Variants in CELF2 observed in about 807,000 individuals in gnomAD.
CELF2 encodes CUGBP Elav-like family member 2.
CELF2 carries 8 observed loss-of-function variants against 62.6 expected under a neutral mutation model. The observed-to-expected ratio is 0.13, with a 90% CI of 0.07 to 0.23. The LOEUF is 0.23. CELF2 is among the 10% of genes least tolerant of loss of function. CELF2 has a pLI of 1.00. For synonymous variants in CELF2, 258 were observed against 250.0 expected (o/e 1.03, Z -0.30); for missense variants, 333 against 671.0 (o/e 0.50, Z 5.56).
At chr10:11,086,602 A>AAAAAC in intron 1 of CELF2, among the ~76,000 whole-genome samples, 1 of 132,438 alleles carries the variant, frequency 7.6e-6, no homozygotes, top group South Asian at 2.2e-4. Context: ...AAAAAAAAAA[A>AAAAAC]AAAAAAAACT....
the CELF2 span, among the ~76,000 whole-genome samples, chr10:10,713,981 G>A: frequency 6.6e-5 from 10 of 152,268 alleles, no homozygotes; most frequent in South Asian, 4.1e-4. Flanking sequence ...ATTCCAGTGA[G>A]TGGAGATTGC....
At position 11,046,743 on chromosome 10, in the gene CELF2, A is replaced by G. The variant is rs534237463; in HGVS notation, c.74+28580A>G. ...CTCCCAAAGAGTTTTTGTAAATCCC[A>G]TGTCTTTAATCTCATTTCGCTATTT... On this transcript the variant is annotated intron_variant, in intron 1 of 12. Transcript: ENST00000633077. This position sits in a 1 kb window ranked among gnomAD's most constrained non-coding sequence, Gnocchi z 4.6. Among the ~76,000 whole-genome samples the G allele has an allele frequency of 9.1e-4, 139 of 152,306 alleles. No homozygotes were observed. Among genetic ancestry groups the G allele is most frequent in the African/African-American group, 3.2e-3 (135 of 41,564 alleles).
chr10:10,866,303 G>C lies in CELF2; in HGVS notation c.54-53661G>C, dbSNP rs141091781. On this transcript the variant is annotated intron_variant, in intron 1 of 13. Transcript: ENST00000636488. ...GGTGTAGGGAAAGGGGAGCTGTGAG[G>C]CTTTACGAGTAAGAAATCACTTACT... Among the ~76,000 whole-genome samples the C allele has an allele frequency of 4.0e-3, 603 of 151,898 alleles. 4 individuals are homozygous for C. Among genetic ancestry groups the C allele is most frequent in the South Asian group, 0.017 (83 of 4,798 alleles).
rs1007713414 is a variant in CELF2, at chr10:11,324,038, T to G, written c.1295-1798T>G. ...AAGAGATGGTGCTGACATTTTTTTC[T>G]TGGGAATATCAGGAGCAAAAGGACA... On this transcript the variant is annotated intron_variant, in intron 11 of 12. Coordinates refer to ENST00000633077, the MANE Select transcript of CELF2 (RefSeq NM_001326342.2). The surrounding 1 kb of genome is among the most constrained non-coding windows in gnomAD (Gnocchi z 4.7). 4.6e-5 allele frequency among the ~76,000 whole-genome samples: 7 copies of G among 152,258 alleles called. No individual in the cohort carries two copies. The highest frequency in any genetic ancestry group is 1.7e-4 in the African/African-American group (7 of 41,542).
At chr10:10,567,028 G>A in the CELF2 span, among the ~76,000 whole-genome samples, 2 of 152,244 alleles carry the variant, frequency 1.3e-5, no homozygotes, top group South Asian at 2.1e-4. Context: ...CATCTGCCGC[G>A]AAGATAAAAG....
intron 1 of CELF2, among the ~76,000 whole-genome samples, chr10:11,141,550 G>C (rs1480956771): frequency 6.6e-6 from 1 of 152,218 alleles, no homozygotes. Flanking sequence ...AGATTTTTCT[G>C]GGGGAGCCAA....
chr10:10,730,205 A>G, the CELF2 span, among the ~76,000 whole-genome samples: 5 of 152,242 alleles, frequency 3.3e-5, no homozygotes, highest in Non-Finnish European at 1.5e-5. Flanking sequence ...GGCTGGGCAC[A>G]GTGGCTCACA....
chr10:11,057,175 A>T (rs949554980), intron 1 of CELF2, among the ~76,000 whole-genome samples: 2 of 152,128 alleles, frequency 1.3e-5, no homozygotes, highest in Admixed American at 1.3e-4. Flanking sequence ...AAAGAACAAA[A>T]AGTCCCAGAC....
rs1332992964 is a variant in CELF2, at chr10:11,247,365, G to C, written c.355-1788G>C. 6.6e-6 allele frequency among the ~76,000 whole-genome samples: 1 copy of C among 152,186 alleles called. No individual in the cohort carries two copies. The highest frequency in any genetic ancestry group is 1.5e-5 in the Non-Finnish European group (1 of 68,028). The stretch of plus-strand genomic sequence containing the variant: ...ACCCTTCCACTTCCTGGGTCACTGC[G>C]GGGCTGCCCCGTGAGTTTCACATGC... On this transcript the variant is annotated intron_variant, in intron 3 of 12. Coordinates refer to ENST00000633077, the MANE Select transcript of CELF2 (RefSeq NM_001326342.2). This position sits in a 1 kb window ranked among gnomAD's most constrained non-coding sequence, Gnocchi z 5.4.
intron 1 of CELF2, among the ~76,000 whole-genome samples, chr10:11,158,776 ATT>A (rs1379659100): frequency 6.6e-6 from 1 of 152,204 alleles, no homozygotes; most frequent in Non-Finnish European, 1.5e-5. Context: ...CCTGGCAAGC[ATT>A]TGAGACCCCC....
intron 1 of CELF2, among the ~76,000 whole-genome samples, chr10:11,107,281 G>T (rs942368530): frequency 6.6e-6 from 1 of 152,112 alleles, no homozygotes; most frequent in African/African-American, 2.4e-5. Context: ...CTCTCCTAGG[G>T]GGGCAGCTCC....
rs1811224109 is a variant in CELF2 at position 10,972,613 on chromosome 10, T to C, written c.89+52614T>C. Reference sequence around the variant, plus strand: ...TCAACCGTCTTCTACATATTGATGATTCTCAGTCCCGGTCTCCATGACTGA... The same window carrying C: ...TCAACCGTCTTCTACATATTGATGACTCTCAGTCCCGGTCTCCATGACTGA... On this transcript the variant is annotated intron_variant, in intron 2 of 13. Coordinates refer to the CELF2 transcript ENST00000636488. This position sits in a 1 kb window ranked among gnomAD's most constrained non-coding sequence, Gnocchi z 4.4. 6.6e-6 allele frequency among the ~76,000 whole-genome samples: 1 copy of C among 152,200 alleles called. No homozygotes were observed. The highest frequency in any genetic ancestry group is 2.4e-5 in the African/African-American group (1 of 41,446).
chr10:10,602,409 T>C, the CELF2 span, among the ~76,000 whole-genome samples: 1 of 152,166 alleles, frequency 6.6e-6, no homozygotes, highest in Non-Finnish European at 1.5e-5. Flanking sequence ...CCCCAAACCA[T>C]CAAACTTTGT....
chr10:11,197,070 G>GAAAGAAAGAAAGAAAAGAAAGAAAGGAAA (rs1329770894), intron 2 of CELF2, among the ~76,000 whole-genome samples: 1 of 78,100 alleles, frequency 1.3e-5, no homozygotes, highest in Non-Finnish European at 2.4e-5. Flanking sequence ...AAGAAAGAAA[G>GAAAGAAAGAAAGAAAAGAAAGAAAGGAAA]GAAAGAAAGA....
chr10:11,235,198 G>T (rs922399346), intron 3 of CELF2, among the ~76,000 whole-genome samples: 1 of 152,116 alleles, frequency 6.6e-6, no homozygotes, highest in Non-Finnish European at 1.5e-5. Context: ...GGCAAGCTTC[G>T]CAAGTCCCCA....
chr10:10,490,972 A>G, the CELF2 span, among the ~76,000 whole-genome samples: 1 of 152,230 alleles, frequency 6.6e-6, no homozygotes, highest in African/African-American at 2.4e-5. Context: ...AGCAAATGGT[A>G]TGAAGTTTTC....
rs113595284 is a variant in CELF2, at chr10:10,820,726, A to G, written c.53+21909A>G. Among the ~76,000 whole-genome samples the G allele has an allele frequency of 2.1e-3, 320 of 152,330 alleles. 1 individual carries two copies. Among genetic ancestry groups the G allele is most frequent in the African/African-American group, 7.2e-3 (299 of 41,576 alleles). On this transcript the variant is annotated intron_variant, in intron 1 of 13. Coordinates refer to the CELF2 transcript ENST00000636488. ...ACTCACACTGAGATCAGAACACCAT[A>G]TGGGAGTCAACCAGCGAGGACAGGA... is the stretch of plus-strand genomic sequence containing the variant.
rs889223003 is a variant in CELF2, at chr10:11,285,417, G to C, written c.842-3001G>C. On this transcript the variant is annotated intron_variant, in intron 8 of 12. Transcript: ENST00000633077. The surrounding 1 kb of genome is among the most constrained non-coding windows in gnomAD (Gnocchi z 4.3). ...ACTTTCCAGGCGGCAGCAGGGAAAGGCTTAGGAGAATGTCAGAAACTGTTG... is the reference window on the plus strand; with the variant it reads ...ACTTTCCAGGCGGCAGCAGGGAAAGCCTTAGGAGAATGTCAGAAACTGTTG... 6.6e-6 allele frequency among the ~76,000 whole-genome samples: 1 copy of C among 152,172 alleles called. No homozygotes were observed. The highest frequency in any genetic ancestry group is 6.5e-5 in the Admixed American group (1 of 15,290).
intron 1 of CELF2, among the ~76,000 whole-genome samples, chr10:10,911,693 C>T (rs2063826977): frequency 6.6e-6 from 1 of 152,230 alleles, no homozygotes; most frequent in African/African-American, 2.4e-5. Flanking sequence ...AAAGTGTATG[C>T]AGTGATTTAA....
Sources: allele counts gnomAD v4.1 joint callset (sites outside exome capture counted in the v4.1 genomes callset), GRCh38; gene constraint gnomAD v4.1.1; non-coding constraint Gnocchi (gnomAD v3.1); transcripts MANE v1.5; gene names NCBI Gene and HGNC (gene_info 2026-07-23, HGNC 2026-07-21).